Variants in TRDN observed in about 807,000 individuals in gnomAD.
TRDN encodes triadin in skeletal muscle.
In TRDN, 161 loss-of-function variants were observed where a neutral mutation model predicts 149.7. That is an observed-to-expected ratio of 1.08 (90% CI 0.95 to 1.23). The LOEUF is 1.23. TRDN is among the 50% of genes most tolerant of loss of function. TRDN has a pLI of 0.00. For missense variants in TRDN, 896 were observed against 823.5 expected, an observed-to-expected ratio of 1.09 and a Z score of -1.08; for synonymous variants, 294 against 250.5, an observed-to-expected ratio of 1.17 and a Z score of -1.64.
chr6:123,499,719 A>AAAAAAAAAAAATAT, intron 8 of TRDN, among the ~76,000 whole-genome samples: 11 of 47,676 alleles, frequency 2.3e-4, no homozygotes, highest in Non-Finnish European at 3.1e-4. Context: ...AAAAAAAAAA[A>AAAAAAAAAAAATAT]ATATATATAT....
intron 1 of TRDN, among the ~76,000 whole-genome samples, chr6:123,626,492 A>G (rs982117835): frequency 2.0e-5 from 3 of 152,042 alleles, no homozygotes; most frequent in African/African-American, 7.2e-5. Context: ...CAACAACAAA[A>G]AAGTCACTCT....
chr6:123,274,765 T>C, intron 26 of TRDN, 95 bp from the exon 27 acceptor site: 1 of 1,243,362 alleles, frequency 8.0e-7, no homozygotes, highest in Non-Finnish European at 1.1e-6. Flanking sequence ...TTATCATAAT[T>C]GGGAGGATGA....
intron 38 of TRDN, among the ~76,000 whole-genome samples, chr6:123,229,629 C>A (rs1473256990): frequency 6.6e-6 from 1 of 151,872 alleles, no homozygotes; most frequent in Non-Finnish European, 1.5e-5. Context: ...GTCTTCATCT[C>A]TTTGGAGTCA....
intron 9 of TRDN, chr6:123,468,854 TC>T: frequency 6.6e-6 from 1 of 152,222 alleles, no homozygotes; most frequent in East Asian, 1.9e-4. Flanking sequence ...GAGAGTTACA[TC>T]CAGAGAACTC....
intron 1 of TRDN, among the ~76,000 whole-genome samples, chr6:123,607,952 G>C (rs769884733): frequency 2.0e-5 from 3 of 150,692 alleles, no homozygotes; most frequent in Non-Finnish European, 4.4e-5. Flanking sequence ...GCCTCCCAAA[G>C]TGCCTGGATT....
chr6:123,568,633 T>C (rs1185150579), intron 2 of TRDN, among the ~76,000 whole-genome samples: 1 of 152,198 alleles, frequency 6.6e-6, no homozygotes, highest in African/African-American at 2.4e-5. Flanking sequence ...TTATGGCTTG[T>C]GCCCTCTGGA....
At chr6:123,337,284 AAGG>A (rs1779906744) in intron 22 of TRDN, among the ~76,000 whole-genome samples, 1 of 152,078 alleles carries the variant, frequency 6.6e-6, no homozygotes, top group African/African-American at 2.4e-5. Context: ...TAGGAATAGA[AAGG>A]AGAGAATCAG....
rs141941190 is a variant in TRDN at position 123,373,248 on chromosome 6, A to G, written c.1273+2357T>C. On this transcript the variant is annotated intron_variant, in intron 19 of 40. Transcript: ENST00000334268. ...CCCTATGCTGTTCTCGTGATAGTGA[A>G]TAAGTCTCACAAGAGCTGATGGTTT... Among the ~76,000 whole-genome samples, 665 of 152,212 alleles carry G rather than the reference A, an allele frequency of 4.4e-3. 2 individuals carry two copies. The highest frequency in any genetic ancestry group is 0.015 in the African/African-American group (627 of 41,546).
At chr6:123,271,039 C>CTGTGTGTGTG (rs35914221) in intron 30 of TRDN, 100 bp downstream of exon 30, 49 of 420,492 alleles carry the variant, frequency 1.2e-4, no homozygotes, top group African/African-American at 8.9e-4. Flanking sequence ...CAGTGAAGGG[C>CTGTGTGTGTG]TGTGTGTGTG....
intron 2 of TRDN, among the ~76,000 whole-genome samples, chr6:123,568,181 T>C (rs1480957334): frequency 6.6e-6 from 1 of 152,166 alleles, no homozygotes; most frequent in African/African-American, 2.4e-5. Flanking sequence ...TTTCACTCTG[T>C]GTCCCATAAC....
intron 10 of TRDN, 61 bp from the exon 11 acceptor site, chr6:123,439,064 T>A: frequency 7.3e-7 from 1 of 1,363,186 alleles, no homozygotes; most frequent in South Asian, 1.4e-5. Flanking sequence ...AAAACCAAGG[T>A]TGAAATGAAG....
In TRDN at chr6:123,260,634, T is replaced by C. The variant is rs763208605; in HGVS notation, c.1809A>G (p.Gly603=). The C allele has an allele frequency of 1.6e-6, 2 of 1,257,214 alleles. No homozygotes were observed. Among genetic ancestry groups the C allele is most frequent in the South Asian group, 3.2e-5 (2 of 62,806 alleles). 77.9% of individuals were successfully genotyped at this position (1,257,214 alleles called of 1,614,324 possible). A position where few individuals can be genotyped will look rare whatever the true frequency, so the allele number is the denominator to read the frequency against. The change falls in exon 34 of 41, where the codon GGA becomes GGG. Residue 603 remains glycine, a synonymous_variant. Coordinates refer to ENST00000334268, the MANE Select transcript of TRDN (RefSeq NM_006073.4). ...TACCTGATTCTGTGACTTCTGATGT[T>C]CCTTCTTTAGAAAAAAAAAAAAAAA... is the stretch of plus-strand genomic sequence containing the variant. The part of the protein sequence containing the change: ...KTDKPKPTPK[G]TSEVTESGKK...
intron 20 of TRDN, among the ~76,000 whole-genome samples, chr6:123,361,182 C>G (rs1171847047): frequency 6.6e-6 from 1 of 152,072 alleles, no homozygotes; most frequent in Non-Finnish European, 1.5e-5. Context: ...TGGTTGAACA[C>G]CATAGAATAC....
At chr6:123,566,944 T>G (rs954312817) in intron 2 of TRDN, among the ~76,000 whole-genome samples, 2 of 152,238 alleles carry the variant, frequency 1.3e-5, no homozygotes, top group African/African-American at 4.8e-5. Context: ...TGTTCTTATT[T>G]TATAAAATGC....
At chr6:123,322,998 T>C (rs1779306414) in intron 23 of TRDN, among the ~76,000 whole-genome samples, 2 of 152,132 alleles carry the variant, frequency 1.3e-5, no homozygotes, top group Non-Finnish European at 2.9e-5. Flanking sequence ...TGTCTTTTCA[T>C]CTTTGGAGCC....
intron 10 of TRDN, among the ~76,000 whole-genome samples, chr6:123,455,316 T>C (rs1315831328): frequency 2.0e-5 from 3 of 150,082 alleles, no homozygotes; most frequent in Non-Finnish European, 4.4e-5. Flanking sequence ...TGATTGCATT[T>C]ATTTAAAATG....
chr6:123,620,459 T>G (rs2114708609), intron 1 of TRDN, among the ~76,000 whole-genome samples: 1 of 152,314 alleles, frequency 6.6e-6, no homozygotes, highest in Non-Finnish European at 1.5e-5. Context: ...ATAGCTCACA[T>G]GCATTCATAC....
chr6:123,292,620 G>T (rs997827877), intron 24 of TRDN, among the ~76,000 whole-genome samples: 3 of 152,104 alleles, frequency 2.0e-5, no homozygotes, highest in Non-Finnish European at 4.4e-5. Context: ...ATCCCCTGAA[G>T]ATCAACTACA....
At chr6:123,381,419 T>C in intron 15 of TRDN, 29 bp from the exon 16 acceptor site, 1 of 1,548,176 alleles carries the variant, frequency 6.5e-7, no homozygotes, top group Non-Finnish European at 8.7e-7. Context: ...AAATCATTGC[T>C]CTTAAAACTT....
Sources: allele counts gnomAD v4.1 joint callset (sites outside exome capture counted in the v4.1 genomes callset), GRCh38; gene constraint gnomAD v4.1.1; transcripts MANE v1.5; gene names NCBI Gene and HGNC (gene_info 2026-07-23, HGNC 2026-07-21).